TRIM67: variants seen among roughly 807,000 people sequenced by gnomAD.
TRIM67 encodes tripartite motif-containing protein 67.
Under a neutral mutation model 71.0 loss-of-function variants are expected in TRIM67, and 39 were observed. That is an observed-to-expected ratio of 0.55 (90% CI 0.43 to 0.72). The LOEUF (loss-of-function observed/expected upper bound fraction) is 0.72, where lower values mean the gene tolerates loss of function less well. Among genes scored for constraint, TRIM67 ranks in the 30% least tolerant of loss-of-function variants. The pLI is 0.00. For missense variants in TRIM67, 973 were observed against 1,079.2 expected (o/e 0.90, Z 1.38); for synonymous variants, 481 against 473.9 (o/e 1.01, Z -0.19).
At chr1:231,165,442 T>C (rs1301907904) in intron 1 of TRIM67, among the ~76,000 whole-genome samples, 3 of 152,228 alleles carry the variant, frequency 2.0e-5, no homozygotes, top group Non-Finnish European at 4.4e-5. Context: ...TTAAATATAA[T>C]TGATAAATAA....
At chr1:231,197,171 A>G (rs1360020725) in intron 1 of TRIM67, among the ~76,000 whole-genome samples, 200 bp from the exon 2 acceptor site, 2 of 152,232 alleles carry the variant, frequency 1.3e-5, no homozygotes, top group Non-Finnish European at 2.9e-5. Context: ...AGGAGAGTGC[A>G]GGCCAATCTA....
chr1:231,175,088 C>T lies in TRIM67; in HGVS notation c.1044+11075C>T, dbSNP rs576699967. On this transcript the variant is annotated intron_variant, in intron 1 of 9. Coordinates refer to ENST00000366653, the MANE Select transcript of TRIM67 (RefSeq NM_001004342.5). The stretch of plus-strand genomic sequence containing the variant: ...TCCCACACAATAAAGAGAACTTTGC[C>T]TGGTGCAGACAGTGCAGCCATTCAT... 5.8e-4 allele frequency among the ~76,000 whole-genome samples: 89 copies of T among 152,346 alleles called. 1 individual carries two copies. Among genetic ancestry groups the T allele is most frequent in the African/African-American group, 2.0e-3 (85 of 41,590 alleles).
At chr1:231,185,289 C>T (rs543471679) in intron 1 of TRIM67, 15 of 1,390,946 alleles carry the variant, frequency 1.1e-5, no homozygotes, top group Non-Finnish European at 1.5e-5. Flanking sequence ...CTCCCACCCT[C>T]CTACACTGGA....
At chr1:231,184,749 A>C in intron 1 of TRIM67, 1 of 503,954 alleles carries the variant, frequency 2.0e-6, no homozygotes. Context: ...TTCTCATTCT[A>C]CCGAGAACCA....
chr1:231,214,292 G>A (rs1290039902), intron 9 of TRIM67, among the ~76,000 whole-genome samples: 1 of 152,178 alleles, frequency 6.6e-6, no homozygotes, highest in East Asian at 1.9e-4. Flanking sequence ...CCAGGAGGGT[G>A]TGAGGAAGGG....
At position 231,185,061 on chromosome 1, in the gene TRIM67, G is replaced by A; in HGVS notation, c.1045-12310G>A. 2.6e-6 allele frequency: 4 copies of A among 1,532,946 alleles called. No individual in the cohort carries two copies. In the African/African-American group the frequency reaches 5.5e-5, roughly 21 times the overall value. 95.0% of individuals were successfully genotyped at this position (1,532,946 alleles called of 1,614,324 possible). A position where few individuals can be genotyped will look rare whatever the true frequency, so the allele number is the denominator to read the frequency against. On this transcript the variant is annotated intron_variant, in intron 1 of 9. Coordinates refer to ENST00000366653, the MANE Select transcript of TRIM67 (RefSeq NM_001004342.5). ...CCTAGGCTAGTGTGGAGCTGAGCTG[G>A]TGCCTGGACTTCCAGAGAGCAGGGC...
At chr1:231,206,200 G>A (rs1296765045) in intron 6 of TRIM67, among the ~76,000 whole-genome samples, 1 of 151,910 alleles carries the variant, frequency 6.6e-6, no homozygotes, top group African/African-American at 2.4e-5. Context: ...GGCCAAGGCA[G>A]GAGGATCACC....
In TRIM67 at chr1:231,219,923, G is replaced by T. The variant is rs1255467040; in HGVS notation, c.*4483G>T. ...GCAGGATGTATTGATCAGACACCAAGTTCAGCCCTCGGTTACTTCCCTCTT... is the reference window on the plus strand; with the variant it reads ...GCAGGATGTATTGATCAGACACCAATTTCAGCCCTCGGTTACTTCCCTCTT... On this transcript the variant is annotated 3_prime_UTR_variant, in exon 10 of 10. Transcript: ENST00000366653. 7.8e-7 allele frequency: 1 copy of T among 1,289,894 alleles called. No homozygotes were observed. The highest frequency in any genetic ancestry group is 1.0e-6 in the Non-Finnish European group (1 of 988,902). 79.9% of individuals were successfully genotyped at this position (1,289,894 alleles called of 1,614,324 possible).
At chr1:231,179,990 T>G (rs1014537643) in intron 1 of TRIM67, among the ~76,000 whole-genome samples, 1 of 152,200 alleles carries the variant, frequency 6.6e-6, no homozygotes. Flanking sequence ...AACTTTCTCC[T>G]GTGCCTTTGT....
intron 4 of TRIM67, among the ~76,000 whole-genome samples, chr1:231,200,631 A>G (rs1395671869): frequency 6.6e-6 from 1 of 152,154 alleles, no homozygotes; most frequent in African/African-American, 2.4e-5. Context: ...CTGGCTGGTG[A>G]CCAGCTGCCT....
Position 231,218,435 on chromosome 1 carries a change from T to A in TRIM67, c.*2995T>A, listed in dbSNP as rs1684068274. The A allele has an allele frequency of 2.0e-6, 2 of 985,532 alleles. No homozygotes were observed. Among genetic ancestry groups the A allele is most frequent in the South Asian group, 4.7e-5 (1 of 21,298 alleles). The allele number at this position is 985,532 out of a possible 1,614,324, so 61.0% of individuals were successfully genotyped here. The stretch of plus-strand genomic sequence containing the variant: ...GTGCCTCTGTAATGTGGTTCTGCAG[T>A]TGTTCTTTGCTAGTGAGCAAGCTTG... On this transcript the variant is annotated 3_prime_UTR_variant, in exon 10 of 10. Coordinates refer to ENST00000366653, the MANE Select transcript of TRIM67 (RefSeq NM_001004342.5).
chr1:231,205,173 T>C (rs1027685299), intron 6 of TRIM67, among the ~76,000 whole-genome samples: 4 of 152,302 alleles, frequency 2.6e-5, no homozygotes, highest in African/African-American at 9.6e-5. Flanking sequence ...CTTTGAGACA[T>C]GGCCACTAAC....
In TRIM67 at chr1:231,162,853, T is replaced by G; in HGVS notation, c.-117T>G. On this transcript the variant is annotated 5_prime_UTR_variant, in exon 1 of 10. Transcript: ENST00000366653. ...CTCGGCTGTGAAGTGGGCATGCCCG[T>G]GTGATGCCCCCGCCCGTCGTCTCAC... The G allele has an allele frequency of 7.3e-7, 1 of 1,367,304 alleles. No individual in the cohort carries two copies. The highest frequency in any genetic ancestry group is 9.9e-7 in the Non-Finnish European group (1 of 1,014,112). 84.7% of individuals were successfully genotyped at this position (1,367,304 alleles called of 1,614,324 possible). A position where few individuals can be genotyped will look rare whatever the true frequency, so the allele number is the denominator to read the frequency against.
intron 1 of TRIM67, among the ~76,000 whole-genome samples, chr1:231,170,430 A>G (rs758453875): frequency 6.6e-6 from 1 of 152,232 alleles, no homozygotes; most frequent in African/African-American, 2.4e-5. Flanking sequence ...TAAGAAATTA[A>G]AAGTTGAAGA....
intron 8 of TRIM67, among the ~76,000 whole-genome samples, chr1:231,211,690 C>G (rs1311070483): frequency 6.6e-6 from 1 of 152,170 alleles, no homozygotes; most frequent in Admixed American, 6.5e-5. Context: ...CTCTGCCCTA[C>G]CAGCAGCGTC....
At chr1:231,184,928 G>A (rs1683019495) in intron 1 of TRIM67, 1 of 1,228,330 alleles carries the variant, frequency 8.1e-7, no homozygotes, top group Non-Finnish European at 1.1e-6. Context: ...TTGAATTCAG[G>A]GCCCAACCCT....
chr1:231,162,775 G>A lies in TRIM67; in HGVS notation c.-195G>A. 1 of 661,582 alleles carries A rather than the reference G, an allele frequency of 1.5e-6. No individual in the cohort carries two copies. The highest frequency in any genetic ancestry group is 2.4e-6 in the Non-Finnish European group (1 of 412,676). 41.0% of individuals were successfully genotyped at this position (661,582 alleles called of 1,614,324 possible). ...AGGTGAGGACCCCCTCCCTTCTCTC[G>A]CCCCTCAATCATCTTAGGGCGGTGG... On this transcript the variant is annotated 5_prime_UTR_variant, in exon 1 of 10. Coordinates refer to ENST00000366653, the MANE Select transcript of TRIM67 (RefSeq NM_001004342.5).
At chr1:231,174,137 CTTTT>C (rs1187390224) in intron 1 of TRIM67, among the ~76,000 whole-genome samples, 3 of 145,782 alleles carry the variant, frequency 2.1e-5, no homozygotes, top group Non-Finnish European at 4.5e-5. Flanking sequence ...CTTCTTTTTT[CTTTT>C]GTCTTATTTT....
chr1:231,205,373 G>T (rs531866690), intron 6 of TRIM67, among the ~76,000 whole-genome samples: 6 of 152,286 alleles, frequency 3.9e-5, no homozygotes, highest in African/African-American at 1.2e-4. Context: ...GCATTTGGGG[G>T]GTTGAATAGG....
Sources: allele counts gnomAD v4.1 joint callset (sites outside exome capture counted in the v4.1 genomes callset), GRCh38; gene constraint gnomAD v4.1.1; transcripts MANE v1.5; gene names NCBI Gene and HGNC (gene_info 2026-07-23, HGNC 2026-07-21).